Variants in GTF2H1 observed in about 807,000 individuals in gnomAD.
The protein encoded by GTF2H1 is BTF2 p62.
GTF2H1 carries 16 observed loss-of-function variants against 71.2 expected under a neutral mutation model. The observed-to-expected ratio is 0.22, with a 90% CI of 0.15 to 0.34. GTF2H1 has a LOEUF of 0.34. Ranked by LOEUF, GTF2H1 falls within the 10% of genes least tolerant of loss-of-function variation. The pLI is 1.00. For synonymous variants in GTF2H1, 215 were observed against 219.0 expected, an observed-to-expected ratio of 0.98 and a Z score of 0.16; for missense variants, 498 against 648.2, an observed-to-expected ratio of 0.77 and a Z score of 2.52.
At chr11:18,342,256 T>C (rs1354775024) in intron 7 of GTF2H1, among the ~76,000 whole-genome samples, 4 of 25,690 alleles carry the variant, frequency 1.6e-4, no homozygotes, top group South Asian at 2.1e-3. Context: ...CTGTCTCTTT[T>C]TTTTTTTTTT....
At chr11:18,325,190 T>A (rs1348944941) in intron 1 of GTF2H1, among the ~76,000 whole-genome samples, 16 of 152,190 alleles carry the variant, frequency 1.1e-4, no homozygotes, top group Non-Finnish European at 7.3e-5. Flanking sequence ...CTCTTGCACA[T>A]TGGAAAAGGG....
intron 1 of GTF2H1, among the ~76,000 whole-genome samples, chr11:18,328,287 G>C (rs991690714): frequency 5.3e-5 from 8 of 151,648 alleles, no homozygotes; most frequent in Non-Finnish European, 1.0e-4. Flanking sequence ...GAGGCAGGTG[G>C]ATCACCTGAG....
intron 7 of GTF2H1, chr11:18,347,059 A>G (rs765911297): frequency 1.3e-5 from 2 of 151,224 alleles, no homozygotes; most frequent in Non-Finnish European, 2.9e-5. Flanking sequence ...TTTGATAACT[A>G]GATCCAAATT....
intron 11 of GTF2H1, among the ~76,000 whole-genome samples, chr11:18,352,991 C>T (rs535072828): frequency 1.2e-4 from 18 of 152,294 alleles, no homozygotes; most frequent in African/African-American, 3.8e-4. Flanking sequence ...TTTGGGAGGC[C>T]GAGGTGGGTG....
chr11:18,325,119 AT>A lies in GTF2H1; in HGVS notation c.-16+2380del, dbSNP rs534306624. On this transcript the variant is annotated intron_variant, in intron 1 of 14. Transcript: ENST00000265963. ...GCAGATATAACAGTGCTCTCTAGTA[AT>A]CCTTCTTTCAGAAGATTTCTCTTTC... Among the ~76,000 whole-genome samples the A allele has an allele frequency of 1.6e-3, 244 of 152,320 alleles. 4 individuals carry two copies. The highest frequency in any genetic ancestry group is 0.015 in the Admixed American group (231 of 15,304).
At chr11:18,345,181 A>G (rs889349660) in intron 7 of GTF2H1, among the ~76,000 whole-genome samples, 21 of 152,036 alleles carry the variant, frequency 1.4e-4, no homozygotes, top group African/African-American at 5.1e-4. Context: ...ACAGAGCGAG[A>G]ACCTGTCTCA....
In GTF2H1 at chr11:18,362,655, A is replaced by T. The variant is rs563898169; in HGVS notation, c.1560+1948A>T. Among the ~76,000 whole-genome samples, 169 of 129,060 alleles carry T rather than the reference A, an allele frequency of 1.3e-3. 1 individual carries two copies. The highest frequency in any genetic ancestry group is 0.01 in the South Asian group (42 of 4,132). The allele number at this position is 129,060 out of a possible 152,430, so 84.7% of individuals were successfully genotyped here. On this transcript the variant is annotated intron_variant, in intron 14 of 14. Transcript: ENST00000265963. ...TCCCTCTCTCCGTATAGATATATAT[A>T]TTTTTTCTTTTTCTTTTTTTTTTTT...
At chr11:18,358,397 A>T (rs1273648428) in intron 12 of GTF2H1, 128 bp from the exon 13 acceptor site, 1 of 593,146 alleles carries the variant, frequency 1.7e-6, no homozygotes, top group Non-Finnish European at 3.0e-6. Context: ...CTTATCTGAA[A>T]ATAGCACATC....
intron 14 of GTF2H1, among the ~76,000 whole-genome samples, chr11:18,364,124 A>G (rs1369513918): frequency 1.3e-5 from 2 of 152,116 alleles, no homozygotes; most frequent in African/African-American, 2.4e-5. Flanking sequence ...GCAGAAGGAT[A>G]TGGTGTTCAT....
intron 7 of GTF2H1, among the ~76,000 whole-genome samples, chr11:18,344,464 C>A (rs1191273682): frequency 6.6e-6 from 1 of 151,744 alleles, no homozygotes; most frequent in Admixed American, 6.6e-5. Flanking sequence ...ACTAAAAATA[C>A]AAAAATTAGC....
intron 11 of GTF2H1, among the ~76,000 whole-genome samples, chr11:18,355,106 CT>C (rs1205046453): frequency 1.3e-5 from 2 of 149,418 alleles, no homozygotes; most frequent in Admixed American, 6.7e-5. Context: ...TTTCTTTTTC[CT>C]TTTTTTTAAA....
intron 7 of GTF2H1, among the ~76,000 whole-genome samples, chr11:18,346,322 C>A (rs1865292129): frequency 6.6e-6 from 1 of 152,190 alleles, no homozygotes; most frequent in South Asian, 2.1e-4. Flanking sequence ...ATAATCAGGA[C>A]CACAGTGCCT....
At chr11:18,353,172 C>CT (rs1865467198) in intron 11 of GTF2H1, among the ~76,000 whole-genome samples, 1 of 152,244 alleles carries the variant, frequency 6.6e-6, no homozygotes, top group African/African-American at 2.4e-5. Context: ...TTACAGTGAG[C>CT]TGACACCGCG....
chr11:18,361,557 T>C lies in GTF2H1; in HGVS notation c.1560+850T>C, dbSNP rs1203250983. On this transcript the variant is annotated intron_variant, in intron 14 of 14. Coordinates refer to ENST00000265963, the MANE Select transcript of GTF2H1 (RefSeq NM_005316.4). ...GGTGGCGCATGCCTGTAGTCCCAGC[T>C]ACTCGGGAGGCTGAGACAGGAGAAT... Among the ~76,000 whole-genome samples, 4 of 152,194 alleles carry C rather than the reference T, an allele frequency of 2.6e-5. 1 individual carries two copies. In the South Asian group the frequency reaches 8.3e-4, roughly 31 times the overall value.
chr11:18,335,653 GC>G, intron 2 of GTF2H1, 100 bp from the exon 3 acceptor site: 1 of 811,648 alleles, frequency 1.2e-6, no homozygotes. Context: ...GGCAGTTAAA[GC>G]CCAAAGGAAT....
rs1445589576 is a variant in GTF2H1, at chr11:18,335,799, T to G, written c.200T>G (p.Leu67Arg). The G allele has an allele frequency of 6.2e-7, 1 of 1,613,988 alleles. No individual in the cohort carries two copies. Among genetic ancestry groups the G allele is most frequent in the African/African-American group, 1.3e-5 (1 of 74,948 alleles). ...PEGKAKIQLQ[L>R]VLHAGDTTNF... is the part of the protein sequence containing the mutation. The stretch of plus-strand genomic sequence containing the variant: ...GGAAAAGCTAAAATTCAGCTTCAGC[T>G]GGTCCTACATGCAGGGGACACAACT... The change falls in exon 3 of 15, where the codon CTG becomes CGG. Residue 67 changes from leucine to arginine, a missense_variant. Physicochemically the swap from Leu to Arg is moderately radical, Grantham distance 102. Coordinates refer to ENST00000265963, the MANE Select transcript of GTF2H1 (RefSeq NM_005316.4).
chr11:18,355,619 C>A (rs1208297074), intron 11 of GTF2H1, among the ~76,000 whole-genome samples: 1 of 152,066 alleles, frequency 6.6e-6, no homozygotes, highest in Non-Finnish European at 1.5e-5. Context: ...AATCCTCTCA[C>A]CTCAGCCCTC....
chr11:18,346,289 GTTC>G (rs1865291518), intron 7 of GTF2H1, among the ~76,000 whole-genome samples: 1 of 152,194 alleles, frequency 6.6e-6, no homozygotes, highest in South Asian at 2.1e-4. Context: ...CGGCTCAACA[GTTC>G]TTCTGCCTCA....
At chr11:18,324,216 AATTTTTGT>A (rs1554952073) in intron 1 of GTF2H1, 1 of 152,262 alleles carries the variant, frequency 6.6e-6, no homozygotes, top group Non-Finnish European at 1.5e-5. Context: ...ATGCCTGGCT[AATTTTTGT>A]ATTTTTGGTA....
Sources: allele counts gnomAD v4.1 joint callset (sites outside exome capture counted in the v4.1 genomes callset), GRCh38; gene constraint gnomAD v4.1.1; transcripts MANE v1.5; gene names NCBI Gene and HGNC (gene_info 2026-07-23, HGNC 2026-07-21).